KIF17: variants seen among roughly 807,000 people sequenced by gnomAD.
KIF17 encodes kinesin-like protein KIF17.
A neutral mutation model predicts 96.8 loss-of-function variants in KIF17; 80 were observed. That is an observed-to-expected ratio of 0.83 (90% CI 0.69 to 1.00). The LOEUF is 1.00. KIF17 is among the 50% of genes least tolerant of loss of function. KIF17 has a pLI of 0.00. For missense variants in KIF17, 1,280 were observed against 1,372.9 expected (o/e 0.93, Z 1.07); for synonymous variants, 567 against 587.5 (o/e 0.97, Z 0.51).
At chr1:20,667,149 C>T (rs1032557818) in intron 13 of KIF17, among the ~76,000 whole-genome samples, 5 of 152,106 alleles carry the variant, frequency 3.3e-5, no homozygotes, top group South Asian at 2.1e-4. Flanking sequence ...AGGAAGTGAG[C>T]GGCAGGTGAG....
intron 6 of KIF17, chr1:20,693,031 CA>C (rs2054070392): frequency 6.6e-6 from 1 of 152,080 alleles, no homozygotes; most frequent in Non-Finnish European, 1.5e-5. Context: ...CTTGGCCTCC[CA>C]AAGTTCTGGG....
At chr1:20,689,558 C>T (rs1024575069) in intron 7 of KIF17, among the ~76,000 whole-genome samples, 2 of 151,936 alleles carry the variant, frequency 1.3e-5, no homozygotes, top group Admixed American at 6.6e-5. Context: ...GACTGAGGCA[C>T]GAGAATTGCT....
intron 4 of KIF17, among the ~76,000 whole-genome samples, chr1:20,708,448 C>T (rs2054380642): frequency 6.6e-6 from 1 of 152,210 alleles, no homozygotes; most frequent in South Asian, 2.1e-4. Flanking sequence ...CATGTACCAT[C>T]ACACCCAGCT....
chr1:20,698,032 G>A (rs2054172241), intron 6 of KIF17, among the ~76,000 whole-genome samples: 1 of 152,174 alleles, frequency 6.6e-6, no homozygotes, highest in Non-Finnish European at 1.5e-5. Flanking sequence ...CCACAGCCAG[G>A]GATGCCTTTT....
At position 20,688,036 on chromosome 1, in the gene KIF17, T is replaced by G. The variant is rs576293709; in HGVS notation, c.1382-92A>C. The G allele has an allele frequency of 3.0e-4, 340 of 1,145,878 alleles. 3 individuals carry two copies. In the African/African-American group the frequency reaches 4.7e-3, roughly 16 times the overall value. 71.0% of individuals were successfully genotyped at this position (1,145,878 alleles called of 1,614,324 possible). Reference sequence around the variant, plus strand: ...GGCTCCAAGCCCAGTGTGTTGTTTTTTTTGTTTGTTTTTTTTTTGTTTTTT... The same window carrying G: ...GGCTCCAAGCCCAGTGTGTTGTTTTGTTTGTTTGTTTTTTTTTTGTTTTTT... On this transcript the variant is annotated intron_variant, in intron 7 of 14. Coordinates refer to ENST00000400463, the MANE Select transcript of KIF17 (RefSeq NM_001122819.3).
chr1:20,701,058 GT>G (rs1195123279), intron 5 of KIF17, among the ~76,000 whole-genome samples: 1 of 152,164 alleles, frequency 6.6e-6, no homozygotes, highest in Non-Finnish European at 1.5e-5. Context: ...CTGACCCCGG[GT>G]TTCCAGGAGC....
At chr1:20,697,295 A>C (rs925799723) in intron 6 of KIF17, among the ~76,000 whole-genome samples, 3 of 152,164 alleles carry the variant, frequency 2.0e-5, no homozygotes, top group Non-Finnish European at 1.5e-5. Flanking sequence ...GTTTCACATC[A>C]GGAAAAGCCA....
rs543272447 is a variant in KIF17, at chr1:20,699,648, G to C, written c.1124-1160C>G. Reference sequence around the variant, plus strand: ...AAGCAGCGAGGAGAGGGCGGGCACAGGAGGAGCTTGCTAGACAGGAGGCGC... The same window carrying C: ...AAGCAGCGAGGAGAGGGCGGGCACACGAGGAGCTTGCTAGACAGGAGGCGC... On this transcript the variant is annotated intron_variant, in intron 5 of 14. Coordinates refer to ENST00000400463, the MANE Select transcript of KIF17 (RefSeq NM_001122819.3). The surrounding 1 kb of genome is among the most constrained non-coding windows in gnomAD (Gnocchi z 4.3). 6.6e-5 allele frequency among the ~76,000 whole-genome samples: 10 copies of C among 152,342 alleles called. No individual in the cohort carries two copies. The South Asian group carries it at 8.3e-4, about 13-fold the overall frequency.
intron 3 of KIF17, among the ~76,000 whole-genome samples, chr1:20,711,896 T>A (rs997509098): frequency 2.0e-5 from 3 of 152,188 alleles, no homozygotes; most frequent in Non-Finnish European, 4.4e-5. Context: ...TTTCCTCATC[T>A]GTTGTTACAA....
rs768471031 is a variant in KIF17, at chr1:20,684,897, C to G, written c.2143G>C (p.Gly715Arg). The G allele has an allele frequency of 3.4e-5, 54 of 1,597,468 alleles. No individual in the cohort carries two copies. The South Asian group carries it at 5.8e-4, about 17-fold the overall frequency. Residue 715 changes from glycine (G) to arginine (R), a missense_variant, in exon 10 of 15, where the codon GGT (glycine) becomes CGT (arginine). Gly to Arg is a moderately radical substitution (Grantham distance 125, BLOSUM62 -2). Transcript: ENST00000400463. ...AQPEPLPATA[G>R]VKRESVGMEV... ...ATGCCCACGCTCTCCCTCTTCACAC[C>G]AGCTGTGGCCGGCAGGGGCTCAGGC...
chr1:20,709,797 A>G lies in KIF17; in HGVS notation c.512T>C (p.Val171Ala), dbSNP rs370161843. The change falls in exon 4 of 15, where the codon GTG (valine) becomes GCG (alanine). Residue 171 changes from valine (V) to alanine (A), a missense_variant. Physicochemically the swap from Val to Ala is moderately conservative, Grantham distance 64 (BLOSUM62 0). Transcript: ENST00000400463. The surrounding 1 kb of genome is among the most constrained non-coding windows in gnomAD (Gnocchi z 4.7). ...LKEHPEKGVY[V>A]KGLSMHTVHS... ...CACCGTGTGCATGGACAGCCCCTTC[A>G]CGTACACGCCCTTCTCTGGGTGCTC... 1.9e-6 allele frequency: 3 copies of G among 1,613,402 alleles called. No individual in the cohort carries two copies. In the East Asian group the frequency reaches 6.7e-5, roughly 36 times the overall value.
intron 1 of KIF17, among the ~76,000 whole-genome samples, chr1:20,716,696 A>G (rs2054584094): frequency 6.6e-6 from 1 of 152,204 alleles, no homozygotes; most frequent in African/African-American, 2.4e-5. Context: ...GTGGAAGATG[A>G]GGCCTGGAAG....
At chr1:20,698,945 A>G (rs1458561035) in intron 5 of KIF17, among the ~76,000 whole-genome samples, 1 of 151,994 alleles carries the variant, frequency 6.6e-6, no homozygotes, top group Non-Finnish European at 1.5e-5. Flanking sequence ...AAGGGTTGCA[A>G]TTTTTTTACT....
Position 20,687,329 on chromosome 1 carries a change from G to C in KIF17, c.1938+59C>G. Reference sequence around the variant, plus strand: ...ACAGTGTGTGCACAGTGAGCTCCGGGCCCTGGGCAAGCTCTGCCTGCTCAG... The same window carrying C: ...ACAGTGTGTGCACAGTGAGCTCCGGCCCCTGGGCAAGCTCTGCCTGCTCAG... On this transcript the variant is annotated intron_variant, in intron 8 of 14. Transcript: ENST00000400463. This position sits in a 1 kb window ranked among gnomAD's most constrained non-coding sequence, Gnocchi z 4.4. 8 of 1,573,538 alleles carry C rather than the reference G, an allele frequency of 5.1e-6. No individual in the cohort carries two copies. Among genetic ancestry groups the C allele is most frequent in the Non-Finnish European group, 7.0e-6 (8 of 1,145,358 alleles).
chr1:20,693,135 T>C (rs993578029), intron 6 of KIF17: 6 of 152,230 alleles, frequency 3.9e-5, no homozygotes, highest in African/African-American at 1.2e-4. Context: ...TCCAGGCCCA[T>C]TGCTGATGGT....
chr1:20,671,885 AT>A, intron 12 of KIF17, 52 bp downstream of exon 12: 1 of 1,597,106 alleles, frequency 6.3e-7, no homozygotes, highest in South Asian at 1.1e-5. Flanking sequence ...AGTCTGCAGG[AT>A]GGTAAGCCGT....
At position 20,709,877 on chromosome 1, in the gene KIF17, T is replaced by C. The variant is rs748744132; in HGVS notation, c.481-49A>G. On this transcript the variant is annotated intron_variant, in intron 3 of 14. Transcript: ENST00000400463. The surrounding 1 kb of genome is among the most constrained non-coding windows in gnomAD (Gnocchi z 4.7). Reference sequence around the variant, plus strand: ...GGCGGAACCTCCAGCCGCCAAGGGTTAGGACCAGGGATGGTCAAGGAACCA... The same window carrying C: ...GGCGGAACCTCCAGCCGCCAAGGGTCAGGACCAGGGATGGTCAAGGAACCA... 4 of 1,537,524 alleles carry C rather than the reference T, an allele frequency of 2.6e-6. No homozygotes were observed. Among genetic ancestry groups the C allele is most frequent in the Middle Eastern group, 1.7e-4 (1 of 5,982 alleles).
At chr1:20,683,390 C>T (rs953186400) in intron 10 of KIF17, among the ~76,000 whole-genome samples, 1 of 152,214 alleles carries the variant, frequency 6.6e-6, no homozygotes, top group African/African-American at 2.4e-5. Flanking sequence ...TGCAGTGGCT[C>T]ACGCCTGTAA....
chr1:20,690,352 G>GGGGGA lies in KIF17; in HGVS notation c.1234-18_1234-17insTCCCC. Reference sequence around the variant, plus strand: ...TTCATACTCCTGGGGGGGTGGGAGGGACCAGAGGGCAGGCAGCATTTTATC... The same window carrying GGGGGA: ...TTCATACTCCTGGGGGGGTGGGAGGGGGGGAACCAGAGGGCAGGCAGCATTTTATC... On this transcript the variant is annotated splice_polypyrimidine_tract_variant and intron_variant, in intron 6 of 14. Coordinates refer to ENST00000400463, the MANE Select transcript of KIF17 (RefSeq NM_001122819.3). 8.9e-6 allele frequency: 4 copies of GGGGGA among 451,174 alleles called. No individual in the cohort carries two copies. Among genetic ancestry groups the GGGGGA allele is most frequent in the Admixed American group, 2.9e-5 (1 of 35,052 alleles). The allele number at this position is 451,174 out of a possible 1,614,324, so 27.9% of individuals were successfully genotyped here.
Sources: allele counts gnomAD v4.1 joint callset (sites outside exome capture counted in the v4.1 genomes callset), GRCh38; gene constraint gnomAD v4.1.1; non-coding constraint Gnocchi (gnomAD v3.1); transcripts MANE v1.5; gene names NCBI Gene and HGNC (gene_info 2026-07-23, HGNC 2026-07-21).